Variants in GULP1 observed in about 807,000 individuals in gnomAD.
GULP1 encodes the protein GULP PTB domain containing engulfment adaptor 1, also known as PTB domain-containing engulfment adapter protein 1.
In GULP1, 19 loss-of-function variants were observed where a neutral mutation model predicts 40.9. That is an observed-to-expected ratio of 0.46 (90% CI 0.32 to 0.68). GULP1 has a LOEUF of 0.68. GULP1 is among the 30% of genes least tolerant of loss of function. The pLI, the probability that GULP1 is intolerant of heterozygous loss-of-function variation, is 0.03. For missense variants in GULP1, 312 were observed against 362.2 expected (o/e 0.86, Z 1.12); for synonymous variants, 119 against 117.6 (o/e 1.01, Z -0.08).
intron 2 of GULP1, among the ~76,000 whole-genome samples, chr2:188,469,459 C>G (rs1321488844): frequency 1.3e-5 from 2 of 152,164 alleles, no homozygotes; most frequent in African/African-American, 2.4e-5. Context: ...TGAGGTTTAA[C>G]TGGCTCACGG....
chr2:188,376,728 G>C lies in GULP1; in HGVS notation c.-171-7035G>C, dbSNP rs1035646379. On this transcript the variant is annotated intron_variant, in intron 1 of 11. Transcript: ENST00000409830. ...CAAAGATTAAAAAGATAATTGCTGG[G>C]AAGTGTGGTTTAAATTCAGCATTGT... is the stretch of plus-strand genomic sequence containing the variant. 3.3e-5 allele frequency among the ~76,000 whole-genome samples: 5 copies of C among 152,328 alleles called. No individual in the cohort carries two copies. In the South Asian group the frequency reaches 1.0e-3, roughly 32 times the overall value.
At chr2:188,339,408 G>T (rs376952512) in intron 1 of GULP1, among the ~76,000 whole-genome samples, 1 of 152,166 alleles carries the variant, frequency 6.6e-6, no homozygotes, top group Non-Finnish European at 1.5e-5. Flanking sequence ...TTTGTCATTA[G>T]ATGGGTTTTA....
At chr2:188,368,517 G>C (rs1022296168) in intron 1 of GULP1, among the ~76,000 whole-genome samples, 11 of 152,020 alleles carry the variant, frequency 7.2e-5, no homozygotes, top group Non-Finnish European at 4.4e-5. Flanking sequence ...GGAGGCAGAG[G>C]TTGCAGTGAA....
intron 2 of GULP1, among the ~76,000 whole-genome samples, chr2:188,441,279 A>G (rs1464203920): frequency 6.6e-6 from 1 of 152,294 alleles, no homozygotes; most frequent in African/African-American, 2.4e-5. Context: ...TGGAAACTAT[A>G]TATCTGGCTT....
intron 2 of GULP1, among the ~76,000 whole-genome samples, chr2:188,418,197 ACACATTATTT>A (rs1368785447): frequency 6.6e-6 from 1 of 152,164 alleles, no homozygotes. Context: ...TAGTAGAGAA[ACACATTATTT>A]CACTGGAAGG....
chr2:188,361,146 T>C (rs925881339), intron 1 of GULP1, among the ~76,000 whole-genome samples: 34 of 152,256 alleles, frequency 2.2e-4, no homozygotes, highest in African/African-American at 7.9e-4. Flanking sequence ...TGTAAAATTA[T>C]TTGATAGAGA....
At chr2:188,568,666 A>C (rs1179402132) in intron 7 of GULP1, among the ~76,000 whole-genome samples, 2 of 152,188 alleles carry the variant, frequency 1.3e-5, no homozygotes, top group Non-Finnish European at 2.9e-5. Flanking sequence ...TGACAGTTTC[A>C]GATTGGAATT....
chr2:188,445,539 C>T (rs1337370606), intron 2 of GULP1, among the ~76,000 whole-genome samples: 1 of 151,978 alleles, frequency 6.6e-6, no homozygotes, highest in East Asian at 1.9e-4. Flanking sequence ...TGTTTGAGAC[C>T]TCATCATGTC....
intron 10 of GULP1, among the ~76,000 whole-genome samples, chr2:188,586,674 A>G (rs1292130381): frequency 2.0e-5 from 3 of 152,108 alleles, no homozygotes; most frequent in Admixed American, 2.0e-4. Flanking sequence ...TGGATGATAA[A>G]TTATATGTTC....
In GULP1 at chr2:188,378,235, C is replaced by T. The variant is rs1001706218; in HGVS notation, c.-171-5528C>T. On this transcript the variant is annotated intron_variant, in intron 1 of 11. Transcript: ENST00000409830. ...CCAGCTACAGTCATTTTAGTCACTA[C>T]GCTACTTTGCTTCAATTCTACTCAT... Among the ~76,000 whole-genome samples, 5 of 148,174 alleles carry T rather than the reference C, an allele frequency of 3.4e-5. No homozygotes were observed. The East Asian group carries it at 5.9e-4, about 18-fold the overall frequency.
chr2:188,578,542 A>T (rs1700625188), intron 9 of GULP1, among the ~76,000 whole-genome samples: 1 of 152,002 alleles, frequency 6.6e-6, no homozygotes, highest in Non-Finnish European at 1.5e-5. Context: ...AAATAAAAAA[A>T]AAAAAGAATA....
chr2:188,491,349 A>G (rs554118331), intron 4 of GULP1: 1 of 152,224 alleles, frequency 6.6e-6, no homozygotes, highest in African/African-American at 2.4e-5. Context: ...CACTAAAATC[A>G]GCATATAAGT....
chr2:188,541,065 A>G, intron 6 of GULP1, 116 bp from the exon 7 acceptor site: 2 of 853,200 alleles, frequency 2.3e-6, no homozygotes, highest in Non-Finnish European at 3.6e-6. Context: ...TATAAAATCA[A>G]AGATTGACAG....
rs564447456 is a variant in GULP1 at position 188,495,681 on chromosome 2, A to G, written c.90+12189A>G. Among the ~76,000 whole-genome samples, 13 of 152,164 alleles carry G rather than the reference A, an allele frequency of 8.5e-5. No individual in the cohort carries two copies. The East Asian group carries it at 2.5e-3, about 30-fold the overall frequency. On this transcript the variant is annotated intron_variant, in intron 4 of 11. Coordinates refer to ENST00000409830, the MANE Select transcript of GULP1 (RefSeq NM_016315.4). The stretch of plus-strand genomic sequence containing the variant: ...TATTTAACTCAGTTTTCACACATCT[A>G]AAATGCAAATAATACCTTCTTTATA...
At chr2:188,354,998 T>C (rs1353219213) in intron 1 of GULP1, among the ~76,000 whole-genome samples, 1 of 152,002 alleles carries the variant, frequency 6.6e-6, no homozygotes, top group Non-Finnish European at 1.5e-5. Flanking sequence ...TGGAAACAAA[T>C]GAAAATGAAC....
In GULP1 at chr2:188,429,556, G is replaced by C. The variant is rs151185615; in HGVS notation, c.-45+45667G>C. Among the ~76,000 whole-genome samples the C allele has an allele frequency of 3.7e-3, 567 of 152,258 alleles. 3 individuals are homozygous for C. Among genetic ancestry groups the C allele is most frequent in the African/African-American group, 0.013 (535 of 41,558 alleles). ...CCTTTTCAGATGAGTTAGGAGTTAG[G>C]TGTGTACCTACGGGTCAAAGCCTTG... On this transcript the variant is annotated intron_variant, in intron 2 of 11. Transcript: ENST00000409830.
chr2:188,331,012 T>G (rs2041499084), intron 1 of GULP1, among the ~76,000 whole-genome samples: 1 of 152,228 alleles, frequency 6.6e-6, no homozygotes, highest in Admixed American at 6.5e-5. Flanking sequence ...AAGTTTCAAT[T>G]AGTTATGTAC....
chr2:188,528,632 G>C (rs187164651), intron 5 of GULP1, among the ~76,000 whole-genome samples: 12 of 152,182 alleles, frequency 7.9e-5, no homozygotes, highest in Admixed American at 2.6e-4. Flanking sequence ...ATGGTAATCT[G>C]CTTCTTTTTA....
chr2:188,426,862 C>A lies in GULP1; in HGVS notation c.-45+42973C>A, dbSNP rs74788203. Among the ~76,000 whole-genome samples the A allele has an allele frequency of 7.9e-5, 12 of 152,152 alleles. No homozygotes were observed. In the East Asian group the frequency reaches 1.9e-3, roughly 25 times the overall value. On this transcript the variant is annotated intron_variant, in intron 2 of 11. Coordinates refer to ENST00000409830, the MANE Select transcript of GULP1 (RefSeq NM_016315.4). The stretch of plus-strand genomic sequence containing the variant: ...AGAGCATGCAGGGCTCAGAAGAAGA[C>A]AGAAAGATGAGGGAAAATTTGGAAC...
Sources: gnomAD v4.1 joint callset for allele counts (sites outside exome capture counted in the v4.1 genomes callset) on GRCh38, gnomAD v4.1.1 for gene constraint, MANE v1.5 for transcripts, NCBI Gene and HGNC (gene_info 2026-07-23, HGNC 2026-07-21) for gene names.